PDS5B: variants seen among roughly 807,000 people sequenced by gnomAD.
PDS5B encodes PDS5 cohesin associated factor B.
PDS5B carries 51 observed loss-of-function variants against 184.1 expected under a neutral mutation model. The ratio of observed to expected loss-of-function variants is 0.28; its 90% CI spans 0.22 to 0.35. PDS5B has a LOEUF of 0.35. Ranked by LOEUF, PDS5B falls within the 10% of genes least tolerant of loss-of-function variation. The pLI is 1.00. For missense variants in PDS5B, 1,180 were observed against 1,723.3 expected, an observed-to-expected ratio of 0.68 and a Z score of 5.58; for synonymous variants, 566 against 569.2, an observed-to-expected ratio of 0.99 and a Z score of 0.08.
Position 32,675,957 on chromosome 13 carries a change from C to A in PDS5B, c.960C>A (p.Gly320=). ...AGCCACTTTGGCAGTGCTACTTGGGCAGGTATATGATTTTGGTTTCCCATT... is the reference window on the plus strand; with the variant it reads ...AGCCACTTTGGCAGTGCTACTTGGGAAGGTATATGATTTTGGTTTCCCATT... The part of the protein sequence containing the change: ...QNKPLWQCYL[G]RFNDIHVPIR... The change falls in exon 9 of 35, where the codon GGC becomes GGA. Residue 320 remains glycine (G), a splice_region_variant and synonymous_variant. Transcript: ENST00000315596. The A allele has an allele frequency of 6.3e-7, 1 of 1,596,442 alleles. No homozygotes were observed. The highest frequency in any genetic ancestry group is 8.6e-7 in the Non-Finnish European group (1 of 1,164,230).
At chr13:32,701,252 G>T in intron 16 of PDS5B, 71 bp from the exon 17 acceptor site, 1 of 777,076 alleles carries the variant, frequency 1.3e-6, no homozygotes, top group Non-Finnish European at 2.2e-6. Context: ...AATTATTGTT[G>T]GTTCTTAATA....
intron 1 of PDS5B, among the ~76,000 whole-genome samples, chr13:32,622,895 A>G (rs2058322343): frequency 6.6e-6 from 1 of 152,236 alleles, no homozygotes; most frequent in South Asian, 2.1e-4. Flanking sequence ...GGCAACAGGT[A>G]TTGCAGCAGA....
intron 15 of PDS5B, 42 bp from the exon 16 acceptor site, chr13:32,699,687 AT>A (rs1463545145): frequency 2.6e-6 from 3 of 1,152,388 alleles, no homozygotes; most frequent in Admixed American, 3.5e-5. Context: ...TATTTTAAGA[AT>A]TAAAAAAAAT....
intron 22 of PDS5B, among the ~76,000 whole-genome samples, chr13:32,742,192 T>C (rs1249217002): frequency 1.3e-5 from 2 of 152,348 alleles, no homozygotes; most frequent in Non-Finnish European, 2.9e-5. Flanking sequence ...GTAAAAATAC[T>C]TTAAATACTT....
At chr13:32,694,647 G>A (rs1258158907) in intron 14 of PDS5B, among the ~76,000 whole-genome samples, 1 of 151,772 alleles carries the variant, frequency 6.6e-6, no homozygotes, top group Non-Finnish European at 1.5e-5. Context: ...ACTCTAAGAT[G>A]TTCCCTACTT....
intron 20 of PDS5B, among the ~76,000 whole-genome samples, chr13:32,734,745 A>G (rs1953262745): frequency 6.6e-6 from 1 of 152,226 alleles, no homozygotes; most frequent in Non-Finnish European, 1.5e-5. Flanking sequence ...TCTCTTGACC[A>G]GAACTCATTC....
At chr13:32,689,480 A>G (rs1951486255) in intron 13 of PDS5B, 1 of 152,152 alleles carries the variant, frequency 6.6e-6, no homozygotes, top group South Asian at 2.1e-4. Flanking sequence ...GCTACAGTGG[A>G]AAAGTAGGTT....
At position 32,628,629 on chromosome 13, in the gene PDS5B, C is replaced by T. The variant is rs563187858; in HGVS notation, c.-19-20125C>T. ...ATTTTTTTTTGGTGTTTTTTATTGC[C>T]CAATAGGTACTTTTTTGGTGTATGT... is the stretch of plus-strand genomic sequence containing the variant. On this transcript the variant is annotated intron_variant, in intron 1 of 34. Transcript: ENST00000315596. 1.2e-4 allele frequency among the ~76,000 whole-genome samples: 18 copies of T among 150,502 alleles called. No homozygotes were observed. The South Asian group carries it at 3.6e-3, about 30-fold the overall frequency.
intron 31 of PDS5B, among the ~76,000 whole-genome samples, chr13:32,766,251 A>G (rs1234747804): frequency 6.6e-6 from 1 of 152,212 alleles, no homozygotes; most frequent in Non-Finnish European, 1.5e-5. Flanking sequence ...TGGTGTTCCC[A>G]TCCCCCAAAA....
chr13:32,624,983 T>C (rs2058349537), intron 1 of PDS5B, among the ~76,000 whole-genome samples: 1 of 152,154 alleles, frequency 6.6e-6, no homozygotes, highest in African/African-American at 2.4e-5. Flanking sequence ...TTCCTTACTT[T>C]TTTGAGCTCA....
At chr13:32,765,040 G>A (rs111735623) in intron 31 of PDS5B, among the ~76,000 whole-genome samples, 2,640 of 152,242 alleles carry the variant, frequency 0.017, 35 homozygotes, top group Middle Eastern at 0.051. Flanking sequence ...AAATGCTATA[G>A]TTCTCGTCAA....
intron 15 of PDS5B, among the ~76,000 whole-genome samples, chr13:32,698,538 A>AT (rs1951772351): frequency 6.6e-6 from 1 of 152,024 alleles, no homozygotes; most frequent in South Asian, 2.1e-4. Context: ...TTCCTTGCAG[A>AT]TTTTTTTCTA....
chr13:32,709,012 G>C (rs1387365618), intron 18 of PDS5B, among the ~76,000 whole-genome samples: 1 of 151,492 alleles, frequency 6.6e-6, no homozygotes, highest in Non-Finnish European at 1.5e-5. Flanking sequence ...CCCCTTACCA[G>C]GTATCATTGT....
At chr13:32,643,362 C>T (rs955995006) in intron 1 of PDS5B, among the ~76,000 whole-genome samples, 1 of 152,178 alleles carries the variant, frequency 6.6e-6, no homozygotes, top group African/African-American at 2.4e-5. Flanking sequence ...TAACACTTTG[C>T]CTTTATATTT....
At chr13:32,619,555 A>G (rs2058265821) in intron 1 of PDS5B, among the ~76,000 whole-genome samples, 2 of 152,216 alleles carry the variant, frequency 1.3e-5, no homozygotes, top group African/African-American at 4.8e-5. Context: ...GTGAAGGCCT[A>G]GAACATTACT....
chr13:32,745,148 A>G (rs750085876), intron 23 of PDS5B, among the ~76,000 whole-genome samples: 10 of 84,926 alleles, frequency 1.2e-4, no homozygotes, highest in Non-Finnish European at 1.9e-4. Context: ...TAATATTTGA[A>G]AAGTTGAATT....
chr13:32,739,397 T>C (rs1277919760), intron 21 of PDS5B, among the ~76,000 whole-genome samples: 3 of 152,216 alleles, frequency 2.0e-5, no homozygotes, highest in Non-Finnish European at 4.4e-5. Flanking sequence ...ATTTTAAATT[T>C]CTCTCACACA....
chr13:32,758,389 G>A, intron 27 of PDS5B, 145 bp from the exon 28 acceptor site: 1 of 931,754 alleles, frequency 1.1e-6, no homozygotes, highest in Non-Finnish European at 1.6e-6. Context: ...AGCAAAACCA[G>A]TAGTGTAAGC....
intron 19 of PDS5B, among the ~76,000 whole-genome samples, chr13:32,724,917 A>G (rs1952846369): frequency 6.6e-6 from 1 of 152,184 alleles, no homozygotes; most frequent in Non-Finnish European, 1.5e-5. Context: ...GGCTGAATCC[A>G]GAGACCTCAT....
Sources: gnomAD v4.1 joint callset for allele counts (sites outside exome capture counted in the v4.1 genomes callset) on GRCh38, gnomAD v4.1.1 for gene constraint, MANE v1.5 for transcripts, NCBI Gene and HGNC (gene_info 2026-07-23, HGNC 2026-07-21) for gene names.